CFH: variants seen among roughly 807,000 people sequenced by gnomAD.
The protein encoded by CFH is H factor 1 (complement).
Under a neutral mutation model 147.3 loss-of-function variants are expected in CFH, and 53 were observed. The ratio of observed to expected loss-of-function variants is 0.36; its 90% CI spans 0.29 to 0.45. CFH has a LOEUF of 0.45. Among genes scored for constraint, CFH ranks in the 20% least tolerant of loss-of-function variants. CFH has a pLI of 1.00. For missense variants in CFH, 1,380 were observed against 1,498.0 expected (o/e 0.92, Z 1.30); for synonymous variants, 536 against 489.4 (o/e 1.10, Z -1.26).
At chr1:196,677,382 C>A in intron 4 of CFH, 94 bp from the exon 5 acceptor site, 1 of 1,151,758 alleles carries the variant, frequency 8.7e-7, no homozygotes, top group Non-Finnish European at 1.3e-6. Context: ...TAATTTCCTC[C>A]AATCTTATCC....
chr1:196,699,476 C>T (rs1668387915), intron 9 of CFH, among the ~76,000 whole-genome samples: 1 of 152,126 alleles, frequency 6.6e-6, no homozygotes, highest in Non-Finnish European at 1.5e-5. Flanking sequence ...ATTTTTCTTG[C>T]ATCTGTAGCT....
chr1:196,662,651 G>A (rs1159697345), intron 1 of CFH, among the ~76,000 whole-genome samples: 1 of 152,088 alleles, frequency 6.6e-6, no homozygotes, highest in Non-Finnish European at 1.5e-5. Flanking sequence ...GGAGGCTAAG[G>A]TGAGTGGATT....
chr1:196,676,171 TG>T (rs956501696), intron 4 of CFH, 106 bp downstream of exon 4: 28 of 690,494 alleles, frequency 4.1e-5, no homozygotes, highest in South Asian at 1.5e-4. Flanking sequence ...TTTTATTTAA[TG>T]TTTTTTTTTC....
chr1:196,671,908 A>G lies in CFH; in HGVS notation c.59-1070A>G, dbSNP rs532024701. On this transcript the variant is annotated intron_variant, in intron 1 of 21. Transcript: ENST00000367429. The stretch of plus-strand genomic sequence containing the variant: ...ATATAAGAGCTTTTATTATATATAA[A>G]TAATATATATATGTATACAGCTTTT... Among the ~76,000 whole-genome samples, 42 of 150,380 alleles carry G rather than the reference A, an allele frequency of 2.8e-4. No homozygotes were observed. The South Asian group carries it at 4.6e-3, about 16-fold the overall frequency.
chr1:196,709,013 T>A lies in CFH; in HGVS notation c.1337-4722T>A, dbSNP rs117060467. Among the ~76,000 whole-genome samples, 115 of 152,290 alleles carry A rather than the reference T, an allele frequency of 7.6e-4. 1 individual carries two copies. The East Asian group carries it at 0.021, about 27-fold the overall frequency. On this transcript the variant is annotated intron_variant, in intron 9 of 21. Coordinates refer to ENST00000367429, the MANE Select transcript of CFH (RefSeq NM_000186.4). ...TCTTCAAATTTACTTGCCCAGATAGTTCTTGACAACGGAACTACACTTGAT... is the reference window on the plus strand; with the variant it reads ...TCTTCAAATTTACTTGCCCAGATAGATCTTGACAACGGAACTACACTTGAT...
rs533690818 is a variant in CFH at position 196,690,161 on chromosome 1, T to C, written c.1258T>C (p.Tyr420His). Residue 420 changes from tyrosine to histidine, a missense_variant, in exon 9 of 22, where the codon TAC becomes CAC. This residue lies in a region of CFH where 830 missense variants were observed against 821.4 expected (regional missense o/e 1.01). Coordinates refer to ENST00000367429, the MANE Select transcript of CFH (RefSeq NM_000186.4). ...TATAGACGTTGCCTGCCATCCTGGC[T>C]ACGCTCTTCCAAAAGCGCAGACCAC... is the stretch of plus-strand genomic sequence containing the variant. ...KSIDVACHPG[Y>H]ALPKAQTTVT... 10 of 1,613,468 alleles carry C rather than the reference T, an allele frequency of 6.2e-6. No homozygotes were observed. In the African/African-American group the frequency reaches 1.3e-4, roughly 22 times the overall value.
intron 4 of CFH, 108 bp downstream of exon 4, chr1:196,676,173 T>C (rs920457743): frequency 5.7e-5 from 37 of 646,538 alleles, no homozygotes; most frequent in Middle Eastern, 4.4e-4. Context: ...TTATTTAATG[T>C]TTTTTTTTCT....
rs1261417511 is a variant in CFH, at chr1:196,684,806, T to C, written c.791-258T>C. On this transcript the variant is annotated intron_variant, in intron 6 of 21. Transcript: ENST00000367429. Reference sequence around the variant, plus strand: ...TATGTGATGAGAACATTGCCAGTTATGGAAAATCATGAAGTATGGGATGAC... The same window carrying C: ...TATGTGATGAGAACATTGCCAGTTACGGAAAATCATGAAGTATGGGATGAC... Among the ~76,000 whole-genome samples the C allele has an allele frequency of 4.6e-5, 7 of 152,112 alleles. No homozygotes were observed. In the East Asian group the frequency reaches 1.2e-3, roughly 25 times the overall value.
intron 11 of CFH, among the ~76,000 whole-genome samples, chr1:196,717,291 A>T (rs1668892351): frequency 6.6e-6 from 1 of 152,088 alleles, no homozygotes; most frequent in Non-Finnish European, 1.5e-5. Flanking sequence ...AATGTCACAT[A>T]TTTACAAACA....
At chr1:196,725,370 G>A in intron 12 of CFH, 73 bp downstream of exon 12, 1 of 1,470,852 alleles carries the variant, frequency 6.8e-7, no homozygotes, top group East Asian at 2.3e-5. Flanking sequence ...TATTAATTTT[G>A]TTTGGGCTCC....
intron 7 of CFH, among the ~76,000 whole-genome samples, chr1:196,686,264 A>G (rs545113288): frequency 2.0e-5 from 3 of 152,146 alleles, no homozygotes; most frequent in South Asian, 2.1e-4. Context: ...AACTTCAGCC[A>G]TATCTATTCT....
intron 9 of CFH, among the ~76,000 whole-genome samples, chr1:196,695,798 C>T (rs1008949950): frequency 6.6e-5 from 10 of 152,018 alleles, no homozygotes. Flanking sequence ...CATGATTTGG[C>T]TTTCTGTCTA....
At chr1:196,702,013 T>A (rs1668468753) in intron 9 of CFH, among the ~76,000 whole-genome samples, 1 of 152,132 alleles carries the variant, frequency 6.6e-6, no homozygotes, top group Non-Finnish European at 1.5e-5. Context: ...ACCCTATGTA[T>A]AATGTTTTAT....
intron 9 of CFH, among the ~76,000 whole-genome samples, chr1:196,711,470 T>G (rs1668721337): frequency 6.6e-6 from 1 of 151,800 alleles, no homozygotes; most frequent in African/African-American, 2.4e-5. Context: ...AAATGTGGAT[T>G]TTTTTTTAAC....
chr1:196,654,445 A>G (rs946632891), intron 1 of CFH, among the ~76,000 whole-genome samples: 1 of 152,136 alleles, frequency 6.6e-6, no homozygotes, highest in South Asian at 2.1e-4. Flanking sequence ...CCTTGTTTTA[A>G]CAGTCTGGCT....
At chr1:196,721,773 A>G (rs567798611) in intron 11 of CFH, among the ~76,000 whole-genome samples, 1 of 150,984 alleles carries the variant, frequency 6.6e-6, no homozygotes, top group East Asian at 1.9e-4. Context: ...GAATTGTTAT[A>G]TCTTCTTGCT....
intron 21 of CFH, among the ~76,000 whole-genome samples, chr1:196,746,462 C>T (rs1464210982): frequency 6.6e-6 from 1 of 151,932 alleles, no homozygotes; most frequent in African/African-American, 2.4e-5. Context: ...ATAAAAACAA[C>T]AAAAAAAGTA....
chr1:196,673,082 G>A lies in CFH; in HGVS notation c.163G>A (p.Gly55Arg), dbSNP rs1667337715. The change falls in exon 2 of 22, where the codon GGA becomes AGA. Residue 55 changes from glycine (G) to arginine (R), a missense_variant. Coordinates refer to ENST00000367429, the MANE Select transcript of CFH (RefSeq NM_000186.4). Reference protein sequence around the residue: ...GTQAIYKCRPGYRSLGNVIMV... With the variant: ...GTQAIYKCRPRYRSLGNVIMV... ...CCAGGCTATCTATAAATGCCGCCCTGGATATAGATCTCTTGGAAATGTAAT... is the reference window on the plus strand; with the variant it reads ...CCAGGCTATCTATAAATGCCGCCCTAGATATAGATCTCTTGGAAATGTAAT... The A allele has an allele frequency of 6.2e-7, 1 of 1,613,802 alleles. No homozygotes were observed. The highest frequency in any genetic ancestry group is 1.1e-5 in the South Asian group (1 of 91,072).
intron 18 of CFH, chr1:196,741,088 C>A: frequency 2.6e-6 from 1 of 379,234 alleles, no homozygotes; most frequent in Non-Finnish European, 4.9e-6. Flanking sequence ...CCACATTATT[C>A]AATCTTCTGT....
Sources: allele counts gnomAD v4.1 joint callset (sites outside exome capture counted in the v4.1 genomes callset), GRCh38; gene constraint gnomAD v4.1.1; regional missense constraint gnomAD v4.1.1; transcripts MANE v1.5; gene names NCBI Gene and HGNC (gene_info 2026-07-23, HGNC 2026-07-21).